SLIT2: variants seen among roughly 807,000 people sequenced by gnomAD.
The protein encoded by SLIT2 is slit guidance ligand 2, also known as slit homolog 2 protein.
Under a neutral mutation model 185.7 loss-of-function variants are expected in SLIT2, and 41 were observed. The observed-to-expected ratio is 0.22, with a 90% CI of 0.17 to 0.29. The LOEUF is 0.29. SLIT2 is among the 10% of genes least tolerant of loss of function. The pLI is 1.00. For synonymous variants in SLIT2, 693 were observed against 680.2 expected, an observed-to-expected ratio of 1.02 and a Z score of -0.29; for missense variants, 1,571 against 1,909.0, an observed-to-expected ratio of 0.82 and a Z score of 3.30.
intron 11 of SLIT2, among the ~76,000 whole-genome samples, chr4:20,513,132 G>A (rs1358548498): frequency 6.6e-6 from 1 of 151,888 alleles, no homozygotes; most frequent in Non-Finnish European, 1.5e-5. Context: ...CATGATGAGA[G>A]CACTCACGCA....
intron 29 of SLIT2, among the ~76,000 whole-genome samples, chr4:20,578,127 C>T (rs940111240): frequency 3.2e-4 from 48 of 152,144 alleles, no homozygotes; most frequent in African/African-American, 1.1e-3. Context: ...TCTGGGTCTC[C>T]ATTAACATTT....
At chr4:20,537,949 A>T (rs12646186) in intron 18 of SLIT2, among the ~76,000 whole-genome samples, 29 of 151,536 alleles carry the variant, frequency 1.9e-4, no homozygotes, top group Non-Finnish European at 3.8e-4. Context: ...TCTCTTTTTT[A>T]AAATTTTTAT....
In SLIT2 at chr4:20,345,453, TA is replaced by T. The variant is rs1220274592; in HGVS notation, c.395+76577del. On this transcript the variant is annotated intron_variant, in intron 4 of 36. Coordinates refer to ENST00000504154, the MANE Select transcript of SLIT2 (RefSeq NM_004787.4). Reference sequence around the variant, plus strand: ...ACCCTGCTATTCACTAATGGTACTTTAAAAATCTGGCTCTTTCCTGGTCTGG... The same window carrying T: ...ACCCTGCTATTCACTAATGGTACTTTAAAATCTGGCTCTTTCCTGGTCTGG... Among the ~76,000 whole-genome samples the T allele has an allele frequency of 4.6e-5, 7 of 152,254 alleles. No homozygotes were observed. The East Asian group carries it at 1.3e-3, about 29-fold the overall frequency.
chr4:20,506,679 C>G (rs1346726419), intron 9 of SLIT2, among the ~76,000 whole-genome samples: 3 of 151,716 alleles, frequency 2.0e-5, no homozygotes, highest in Non-Finnish European at 4.4e-5. Context: ...AAAGGAAAAC[C>G]CCTTTATTCT....
At chr4:20,318,521 A>C (rs906131447) in intron 4 of SLIT2, among the ~76,000 whole-genome samples, 2 of 152,186 alleles carry the variant, frequency 1.3e-5, no homozygotes, top group Non-Finnish European at 2.9e-5. Flanking sequence ...CCAGTCCAAA[A>C]TTCCCCTTGA....
At chr4:20,548,964 A>C (rs1362748911) in intron 23 of SLIT2, 93 bp from the exon 24 acceptor site, 6 of 721,880 alleles carry the variant, frequency 8.3e-6, no homozygotes, top group Non-Finnish European at 1.5e-5. Flanking sequence ...AGTTAATAAG[A>C]TGCTTTAATA....
intron 4 of SLIT2, among the ~76,000 whole-genome samples, chr4:20,407,532 C>T (rs1351907207): frequency 2.0e-5 from 3 of 152,142 alleles, no homozygotes; most frequent in Non-Finnish European, 2.9e-5. Context: ...CCTCCTTCAG[C>T]GTTGCTACTT....
intron 3 of SLIT2, among the ~76,000 whole-genome samples, chr4:20,267,859 C>A (rs916509573): frequency 1.3e-4 from 20 of 151,854 alleles, no homozygotes; most frequent in African/African-American, 4.8e-4. Context: ...GGAACTATAT[C>A]CAGAAACTAT....
intron 4 of SLIT2, among the ~76,000 whole-genome samples, chr4:20,342,507 C>A (rs541199830): frequency 1.3e-5 from 2 of 151,936 alleles, no homozygotes; most frequent in South Asian, 2.1e-4. Flanking sequence ...ATTTGACTCA[C>A]GCTATTTCTA....
intron 4 of SLIT2, among the ~76,000 whole-genome samples, chr4:20,414,234 G>C (rs912302793): frequency 1.3e-5 from 2 of 152,010 alleles, no homozygotes; most frequent in African/African-American, 4.8e-5. Flanking sequence ...ATACCAACTT[G>C]ATTTCATTTG....
chr4:20,265,323 T>G (rs534605647), intron 3 of SLIT2, among the ~76,000 whole-genome samples: 1 of 152,118 alleles, frequency 6.6e-6, no homozygotes, highest in South Asian at 2.1e-4. Context: ...TTTAAAATTT[T>G]TCTTTAATAT....
Position 20,256,316 on chromosome 4 carries a change from T to TG in SLIT2, c.180-348dup, listed in dbSNP as rs71181554. The stretch of plus-strand genomic sequence containing the variant: ...AACCTCCTGAAGGGAACTTTTTTTT[T>TG]GGGGGGGGTGCCTAACAATTATAGT... On this transcript the variant is annotated intron_variant, in intron 1 of 36. Coordinates refer to ENST00000504154, the MANE Select transcript of SLIT2 (RefSeq NM_004787.4). Among the ~76,000 whole-genome samples the TG allele has an allele frequency of 3.2e-3, 484 of 149,474 alleles. 11 individuals carry two copies. The highest frequency in any genetic ancestry group is 0.029 in the East Asian group (145 of 4,938).
At chr4:20,562,421 C>A (rs1724768277) in intron 26 of SLIT2, among the ~76,000 whole-genome samples, 1 of 151,750 alleles carries the variant, frequency 6.6e-6, no homozygotes, top group African/African-American at 2.4e-5. Flanking sequence ...AAGAACTTCA[C>A]ATTCATATTT....
intron 4 of SLIT2, among the ~76,000 whole-genome samples, chr4:20,383,872 T>A (rs1172089028): frequency 6.6e-6 from 1 of 152,022 alleles, no homozygotes; most frequent in Non-Finnish European, 1.5e-5. Context: ...CTGGCTAATT[T>A]TTTTAGTATT....
intron 4 of SLIT2, among the ~76,000 whole-genome samples, chr4:20,455,066 A>C (rs757104060): frequency 1.3e-5 from 2 of 152,202 alleles, no homozygotes; most frequent in East Asian, 3.8e-4. Context: ...TATATTATGG[A>C]AAATGTACAT....
chr4:20,515,531 G>C (rs1348024874), intron 11 of SLIT2, among the ~76,000 whole-genome samples: 2 of 152,046 alleles, frequency 1.3e-5, no homozygotes, highest in Non-Finnish European at 2.9e-5. Flanking sequence ...TTCCTAAACT[G>C]CTGTTAACTC....
chr4:20,498,842 A>G (rs1206989334), intron 9 of SLIT2, among the ~76,000 whole-genome samples: 1 of 152,196 alleles, frequency 6.6e-6, no homozygotes, highest in Non-Finnish European at 1.5e-5. Flanking sequence ...GGTTAGTTCC[A>G]TGGCTTTGCT....
At chr4:20,593,640 G>C (rs1488308395) in intron 30 of SLIT2, among the ~76,000 whole-genome samples, 2 of 152,060 alleles carry the variant, frequency 1.3e-5, no homozygotes, top group Admixed American at 1.3e-4. Flanking sequence ...ACCACAAAAG[G>C]AAAAGGGTAA....
rs1211914332 is a variant in SLIT2, at chr4:20,480,799, T to C, written c.539+12T>C. 3 of 1,595,960 alleles carry C rather than the reference T, an allele frequency of 1.9e-6. No individual in the cohort carries two copies. Among genetic ancestry groups the C allele is most frequent in the Admixed American group, 1.7e-5 (1 of 60,004 alleles). ...GACCTGGAAGTGCTGTAAGTACTGC[T>C]ATTTCTCTTGCTCTTTTAACGGGGG... On this transcript the variant is annotated intron_variant, in intron 6 of 36. Transcript: ENST00000504154.
Sources: gnomAD v4.1 joint callset for allele counts (sites outside exome capture counted in the v4.1 genomes callset) on GRCh38, gnomAD v4.1.1 for gene constraint, MANE v1.5 for transcripts, NCBI Gene and HGNC (gene_info 2026-07-23, HGNC 2026-07-21) for gene names.